The following SET variants were observed in gnomAD, a reference collection of about 807,000 sequenced individuals.
SET encodes SET nuclear proto-oncogene, also known as protein SET.
In SET, 4 loss-of-function variants were observed where a neutral mutation model predicts 39.0. The observed-to-expected ratio is 0.10, with a 90% CI of 0.05 to 0.23. The LOEUF is 0.23. SET is among the 10% of genes least tolerant of loss of function. The pLI is 1.00. For missense variants in SET, 137 were observed against 329.7 expected (o/e 0.42, Z 4.53); for synonymous variants, 114 against 115.9 (o/e 0.98, Z 0.11).
chr9:128,687,561 T>C (rs1456444823), upstream of SET, among the ~76,000 whole-genome samples: 1 of 141,058 alleles, frequency 7.1e-6, no homozygotes, highest in African/African-American at 2.7e-5. Flanking sequence ...TGAGCTGAGA[T>C]GGCACCACTG....
chr9:128,693,493 A>G (rs1861618342), intron 5 of SET, 145 bp from the exon 6 acceptor site: 6 of 887,344 alleles, frequency 6.8e-6, no homozygotes, highest in Non-Finnish European at 8.3e-6. Context: ...CAGTTTTATA[A>G]TTGCTCTTAG....
chr9:128,689,166 C>T (rs969683962), upstream of SET: 91 of 695,098 alleles, frequency 1.3e-4, no homozygotes, highest in Non-Finnish European at 1.6e-4. Context: ...GCGAGCCTCC[C>T]CGGCCGGAGG....
chr9:128,689,328 G>T lies in SET; in HGVS notation c.-255G>T. The T allele has an allele frequency of 9.7e-7, 1 of 1,031,994 alleles. No individual in the cohort carries two copies. Among genetic ancestry groups the T allele is most frequent in the Non-Finnish European group, 1.2e-6 (1 of 858,768 alleles). 63.9% of individuals were successfully genotyped at this position (1,031,994 alleles called of 1,614,324 possible). A position where few individuals can be genotyped will look rare whatever the true frequency, so the allele number is the denominator to read the frequency against. On this transcript the variant is annotated 5_prime_UTR_variant, in exon 1 of 8. Transcript: ENST00000322030. ...GGGAGCCGAGCCGCCCGCCGCCGCC[G>T]CCTCCGCCTCCCCTCCGCGAACAGG...
At chr9:128,694,067 A>T in intron 7 of SET, 25 bp downstream of exon 7, 1 of 1,485,480 alleles carries the variant, frequency 6.7e-7, no homozygotes, top group Non-Finnish European at 9.1e-7. Flanking sequence ...GGCTAAACCC[A>T]CAAAGATAAC....
Position 128,694,655 on chromosome 9 carries a change from A to C in SET, c.825A>C (p.Glu275Asp), listed in dbSNP as rs780108639. The change falls in exon 8 of 8, where the codon GAA (glutamate) becomes GAC (aspartate). Residue 275 changes from glutamate (E) to aspartate (D), a missense_variant. Physicochemically the swap from Glu to Asp is conservative, Grantham distance 45 (BLOSUM62 2). This residue lies in a region of SET where 44 missense variants were observed against 63.0 expected (regional missense o/e 0.70). Coordinates refer to ENST00000322030, the MANE Select transcript of SET (RefSeq NM_003011.4). Reference protein sequence around the residue: ...EGEEGEEDEGEDD With the variant: ...EGEEGEEDEGDDD ...TTTTCTTTCAGGAGGATGAAGGAGA[A>C]GATGACTAAATAGAACACTGATGGA... The C allele has an allele frequency of 6.3e-7, 1 of 1,580,236 alleles. No individual in the cohort carries two copies. The highest frequency in any genetic ancestry group is 2.3e-5 in the East Asian group (1 of 43,014).
At position 128,689,626 on chromosome 9, in the gene SET, C is replaced by G; in HGVS notation, c.44C>G (p.Ser15Cys). ...AAKVSKKELN[S>C]NHDGADETSE... ...AAAGTCAGTAAAAAGGAGCTCAACTCCAACCACGACGGGGCCGACGAGACC... is the reference window on the plus strand; with the variant it reads ...AAAGTCAGTAAAAAGGAGCTCAACTGCAACCACGACGGGGCCGACGAGACC... Residue 15 changes from serine (S) to cysteine (C), a missense_variant, in exon 1 of 8, where the codon TCC becomes TGC. Coordinates refer to ENST00000322030, the MANE Select transcript of SET (RefSeq NM_003011.4). 2 of 1,357,594 alleles carry G rather than the reference C, an allele frequency of 1.5e-6. No homozygotes were observed. The highest frequency in any genetic ancestry group is 1.9e-6 in the Non-Finnish European group (2 of 1,033,388). 84.1% of individuals were successfully genotyped at this position (1,357,594 alleles called of 1,614,324 possible). A position where few individuals can be genotyped will look rare whatever the true frequency, so the allele number is the denominator to read the frequency against.
intron 2 of SET, among the ~76,000 whole-genome samples, chr9:128,691,459 T>C (rs1236885260): frequency 1.3e-5 from 2 of 152,256 alleles, no homozygotes; most frequent in African/African-American, 4.8e-5. Flanking sequence ...GAAAATTGTC[T>C]GAATTGCAGT....
Position 128,694,781 on chromosome 9 carries a change from G to A in SET, c.*117G>A, listed in dbSNP as rs1235853308. 9.7e-6 allele frequency: 5 copies of A among 515,322 alleles called. No homozygotes were observed. The highest frequency in any genetic ancestry group is 9.3e-5 in the Admixed American group (2 of 21,516). 31.9% of individuals were successfully genotyped at this position (515,322 alleles called of 1,614,324 possible). ...TTTCCCTCTTGTGCTCAGTCGCCCT[G>A]TTCTTGAGGTCTCTTTTCTCTACTC... On this transcript the variant is annotated 3_prime_UTR_variant, in exon 8 of 8. Transcript: ENST00000322030.
intron 3 of SET, 93 bp downstream of exon 3, chr9:128,692,093 G>T: frequency 6.9e-7 from 1 of 1,456,558 alleles, no homozygotes; most frequent in Non-Finnish European, 9.4e-7. Flanking sequence ...GCTGGGTTGC[G>T]TGCAACAAAG....
chr9:128,691,013 G>T, intron 1 of SET, 157 bp from the exon 2 acceptor site: 3 of 714,430 alleles, frequency 4.2e-6, no homozygotes, highest in East Asian at 2.5e-5. Flanking sequence ...TAATTAAAAA[G>T]AAATTAGTCA....
chr9:128,693,531 T>G, intron 5 of SET, 107 bp from the exon 6 acceptor site: 1 of 1,164,034 alleles, frequency 8.6e-7, no homozygotes, highest in Non-Finnish European at 1.2e-6. Flanking sequence ...GATAGTATAC[T>G]GATATTTGTT....
rs1168223944 is a variant in SET, at chr9:128,689,320, C to A, written c.-263C>A. On this transcript the variant is annotated 5_prime_UTR_variant, in exon 1 of 8. Coordinates refer to ENST00000322030, the MANE Select transcript of SET (RefSeq NM_003011.4). Reference sequence around the variant, plus strand: ...GCGAGTGAGGGAGCCGAGCCGCCCGCCGCCGCCGCCTCCGCCTCCCCTCCG... The same window carrying A: ...GCGAGTGAGGGAGCCGAGCCGCCCGACGCCGCCGCCTCCGCCTCCCCTCCG... 67 of 1,033,432 alleles carry A rather than the reference C, an allele frequency of 6.5e-5. No homozygotes were observed. Among genetic ancestry groups the A allele is most frequent in the Non-Finnish European group, 7.8e-5 (67 of 860,492 alleles). 64.0% of individuals were successfully genotyped at this position (1,033,432 alleles called of 1,614,324 possible).
rs764645296 is a variant in SET, at chr9:128,692,947, C to T, written c.458C>T (p.Ser153Leu). Residue 153 changes from serine (S) to leucine (L), a missense_variant, in exon 5 of 8, where the codon TCG becomes TTG. Ser to Leu is a moderately radical substitution (Grantham distance 145). Around this residue, in one of 3 missense-constraint regions of SET, gnomAD observed 59 missense variants for 237.2 expected, o/e 0.25. Transcript: ENST00000322030. ...CTGAATGAGAGTGGTGATCCATCTTCGAAGTCCACCGAAATCAAATGGAAA... is the reference window on the plus strand; with the variant it reads ...CTGAATGAGAGTGGTGATCCATCTTTGAAGTCCACCGAAATCAAATGGAAA... Reference protein sequence around the residue: ...FHLNESGDPSSKSTEIKWKSG... With the variant: ...FHLNESGDPSLKSTEIKWKSG... The T allele has an allele frequency of 1.2e-6, 2 of 1,602,450 alleles. No homozygotes were observed. Among genetic ancestry groups the T allele is most frequent in the Non-Finnish European group, 8.5e-7 (1 of 1,170,256 alleles).
At chr9:128,687,815 C>T (rs985984201), upstream of SET, among the ~76,000 whole-genome samples, 3 of 152,126 alleles carry the variant, frequency 2.0e-5, no homozygotes, top group African/African-American at 7.2e-5. Context: ...GCCTGGAATT[C>T]CTGGGCCCAA....
At chr9:128,685,324 C>T (rs1294788460), upstream of SET, 33 of 862,666 alleles carry the variant, frequency 3.8e-5, no homozygotes, top group East Asian at 7.9e-5. Context: ...CACTAGACAG[C>T]GCCTAGCACA....
intron 2 of SET, among the ~76,000 whole-genome samples, 171 bp downstream of exon 2, chr9:128,691,398 G>A (rs1263275847): frequency 6.6e-6 from 1 of 152,228 alleles, no homozygotes; most frequent in Non-Finnish European, 1.5e-5. Context: ...TTGTACAGAA[G>A]TTTTTGAAAG....
chr9:128,692,093 G>A (rs1044353173), intron 3 of SET, 93 bp downstream of exon 3: 29 of 1,456,556 alleles, frequency 2.0e-5, no homozygotes, highest in Admixed American at 3.9e-5. Flanking sequence ...GCTGGGTTGC[G>A]TGCAACAAAG....
intron 3 of SET, chr9:128,692,397 C>CAAAAA (rs58637669): frequency 1.9e-3 from 146 of 76,096 alleles, no homozygotes; most frequent in South Asian, 6.2e-3. Flanking sequence ...GAGACTGTTT[C>CAAAAA]AAAAAAAAAA....
exon 1 of SET, chr9:128,683,778 A>G: frequency 1.2e-6 from 1 of 803,844 alleles, no homozygotes; most frequent in East Asian, 2.8e-5. Flanking sequence ...TATCCCTTCC[A>G]GGCAGGGCGG....
Sources: gnomAD v4.1 joint callset for allele counts (sites outside exome capture counted in the v4.1 genomes callset) on GRCh38, gnomAD v4.1.1 for gene constraint, gnomAD v4.1.1 regional missense constraint, MANE v1.5 for transcripts, NCBI Gene and HGNC (gene_info 2026-07-23, HGNC 2026-07-21) for gene names.